The following ELAVL2 variants were observed in gnomAD, a reference collection of about 807,000 sequenced individuals.
ELAVL2 encodes the protein ELAV like RNA binding protein 2, also known as ELAV-like protein 2.
Under a neutral mutation model 34.6 loss-of-function variants are expected in ELAVL2, and 4 were observed. The observed-to-expected ratio is 0.12, with a 90% CI of 0.06 to 0.26. ELAVL2 has a LOEUF of 0.26. Ranked by LOEUF, ELAVL2 falls within the 10% of genes least tolerant of loss-of-function variation. The pLI is 1.00. For synonymous variants in ELAVL2, 193 were observed against 154.8 expected (o/e 1.25, Z -1.83); for missense variants, 432 against 442.8 (o/e 0.98, Z 0.22).
intron 3 of ELAVL2, among the ~76,000 whole-genome samples, chr9:23,711,044 T>C (rs546292726): frequency 2.0e-5 from 3 of 152,268 alleles, no homozygotes; most frequent in Admixed American, 6.5e-5. Context: ...CATACATGTA[T>C]CACAGTCCAA....
intron 1 of ELAVL2, among the ~76,000 whole-genome samples, chr9:23,763,292 T>C (rs2055476361): frequency 6.6e-6 from 1 of 152,084 alleles, no homozygotes; most frequent in African/African-American, 2.4e-5. Context: ...CAGTATTAAA[T>C]CTAGTTTCCT....
chr9:23,709,822 CTAATT>C (rs1346811677), intron 3 of ELAVL2, among the ~76,000 whole-genome samples: 2 of 152,158 alleles, frequency 1.3e-5, no homozygotes, highest in Non-Finnish European at 2.9e-5. Flanking sequence ...AGTGAAGGAT[CTAATT>C]TAAGAGGCAG....
chr9:23,732,584 G>C (rs2046844712), intron 2 of ELAVL2, among the ~76,000 whole-genome samples: 2 of 152,122 alleles, frequency 1.3e-5, no homozygotes, highest in African/African-American at 4.8e-5. Context: ...TTTATCATGT[G>C]TTTACTGCAT....
intron 1 of ELAVL2, among the ~76,000 whole-genome samples, chr9:23,800,094 T>C (rs965151127): frequency 2.1e-4 from 32 of 152,356 alleles, no homozygotes; most frequent in African/African-American, 7.2e-4. Context: ...GCAAGTTTTC[T>C]TTGGTCTTCC....
intron 2 of ELAVL2, among the ~76,000 whole-genome samples, chr9:23,744,600 A>T (rs2135341444): frequency 6.6e-6 from 1 of 152,274 alleles, no homozygotes; most frequent in Admixed American, 6.5e-5. Flanking sequence ...CAACAACATT[A>T]TTAAGGATTC....
At chr9:23,707,277 A>C (rs1271410735) in intron 3 of ELAVL2, among the ~76,000 whole-genome samples, 1 of 152,246 alleles carries the variant, frequency 6.6e-6, no homozygotes, top group Non-Finnish European at 1.5e-5. Flanking sequence ...ATTCAGTAAT[A>C]TGAATCAATG....
At position 23,767,756 on chromosome 9, in the gene ELAVL2, G is replaced by A. The variant is rs78420408; in HGVS notation, c.-15-5507C>T. Among the ~76,000 whole-genome samples, 562 of 152,286 alleles carry A rather than the reference G, an allele frequency of 3.7e-3. 16 individuals carry two copies. The East Asian group carries it at 0.064, about 17-fold the overall frequency. On this transcript the variant is annotated intron_variant, in intron 1 of 6. Coordinates refer to ENST00000397312, the MANE Select transcript of ELAVL2 (RefSeq NM_004432.5). ...CCACTTCACTCCATCCTGGGTGACA[G>A]TGAGAGACTCTGTCTCCAAAATAAG...
At chr9:23,750,030 G>C (rs201181715) in intron 2 of ELAVL2, among the ~76,000 whole-genome samples, 1 of 113,036 alleles carries the variant, frequency 8.8e-6, no homozygotes, top group Admixed American at 1.0e-4. Context: ...TCTTAAAAAA[G>C]GAAAAAAAAA....
chr9:23,699,812 GTTTTTTTTTTTTTTTTT>G (rs199637833), intron 5 of ELAVL2, among the ~76,000 whole-genome samples: 844 of 82,968 alleles, frequency 0.01, 19 homozygotes, highest in Middle Eastern at 0.021. Context: ...GGTGGCAAAG[GTTTTTTTTTTTTTTTTT>G]TTTTTTTTTT....
In ELAVL2 at chr9:23,725,644, C is replaced by T. The variant is rs150456257; in HGVS notation, c.333+5378G>A. On this transcript the variant is annotated intron_variant, in intron 3 of 6. Coordinates refer to ENST00000397312, the MANE Select transcript of ELAVL2 (RefSeq NM_004432.5). ...TGATAAAGAAAAACCAACCCAATCC[C>T]AATAATCCTGTCGCAAAAGGAGGTT... 2.1e-3 allele frequency among the ~76,000 whole-genome samples: 318 copies of T among 152,202 alleles called. 1 individual carries two copies. The highest frequency in any genetic ancestry group is 5.6e-3 in the Admixed American group (86 of 15,284).
chr9:23,825,151 A>C (rs1030029382), intron 1 of ELAVL2, among the ~76,000 whole-genome samples: 4 of 152,258 alleles, frequency 2.6e-5, no homozygotes, highest in African/African-American at 7.2e-5. Context: ...GAATTATGAT[A>C]ATTGGAGTCC....
At chr9:23,786,781 C>CAAAAA (rs57292061) in intron 1 of ELAVL2, among the ~76,000 whole-genome samples, 2 of 108,138 alleles carry the variant, frequency 1.8e-5, no homozygotes, top group Non-Finnish European at 3.8e-5. Context: ...ATTTTAGTGG[C>CAAAAA]AAAAAAAAAA....
At chr9:23,751,169 C>T (rs566835647) in intron 2 of ELAVL2, among the ~76,000 whole-genome samples, 16 of 151,996 alleles carry the variant, frequency 1.1e-4, no homozygotes, top group Non-Finnish European at 1.8e-4. Flanking sequence ...AGGACTTGTA[C>T]GCCATACACA....
chr9:23,770,127 T>A (rs76035011), intron 1 of ELAVL2, among the ~76,000 whole-genome samples: 1,902 of 152,332 alleles, frequency 0.012, 16 homozygotes, highest in Non-Finnish European at 0.021. Context: ...CTTGGAGTGC[T>A]GATTTGCTGT....
At chr9:23,695,019 G>T (rs1009628235) in intron 5 of ELAVL2, among the ~76,000 whole-genome samples, 6 of 152,178 alleles carry the variant, frequency 3.9e-5, no homozygotes, top group Admixed American at 3.3e-4. Flanking sequence ...AGTCCAGAAT[G>T]AAAACTAGTA....
At chr9:23,795,451 G>C (rs1247687247) in intron 1 of ELAVL2, among the ~76,000 whole-genome samples, 1 of 152,170 alleles carries the variant, frequency 6.6e-6, no homozygotes. Context: ...GCTGTGACAG[G>C]AGAATCGCTT....
intron 3 of ELAVL2, among the ~76,000 whole-genome samples, chr9:23,709,451 A>G (rs1324277582): frequency 2.7e-5 from 4 of 146,754 alleles, no homozygotes; most frequent in African/African-American, 7.5e-5. Context: ...CTCCATTCCG[A>G]TTTTTTTTTT....
intron 2 of ELAVL2, among the ~76,000 whole-genome samples, chr9:23,733,736 C>G (rs1005752647): frequency 6.6e-6 from 1 of 152,140 alleles, no homozygotes; most frequent in African/African-American, 2.4e-5. Context: ...CCTCTGAACC[C>G]TTACTCCTGG....
chr9:23,723,572 T>A (rs572397834), intron 3 of ELAVL2, among the ~76,000 whole-genome samples: 14 of 144,554 alleles, frequency 9.7e-5, no homozygotes, highest in South Asian at 2.2e-4. Flanking sequence ...AATAATAATT[T>A]AAAAAAAAAA....
Sources: gnomAD v4.1 joint callset for allele counts (sites outside exome capture counted in the v4.1 genomes callset) on GRCh38, gnomAD v4.1.1 for gene constraint, MANE v1.5 for transcripts, NCBI Gene and HGNC (gene_info 2026-07-23, HGNC 2026-07-21) for gene names.